The following IGF2 variants were observed in gnomAD, a reference collection of about 807,000 sequenced individuals.
The protein encoded by IGF2 is insulin-like growth factor 2.
Under a neutral mutation model 12.0 loss-of-function variants are expected in IGF2, and 2 were observed. That is an observed-to-expected ratio of 0.17 (90% CI 0.07 to 0.52). The LOEUF (loss-of-function observed/expected upper bound fraction) is 0.52, where lower values mean the gene tolerates loss of function less well. Ranked by LOEUF, IGF2 falls within the 20% of genes least tolerant of loss-of-function variation. The probability of loss-of-function intolerance (pLI) is 0.95; values close to 1 mark genes in which losing one functional copy is unlikely to be tolerated. For synonymous variants in IGF2, 105 were observed against 110.1 expected, an observed-to-expected ratio of 0.95 and a Z score of 0.29; for missense variants, 211 against 268.0, an observed-to-expected ratio of 0.79 and a Z score of 1.48.
In IGF2 at chr11:2,133,734, G is replaced by A. The variant is rs3213232; in HGVS notation, c.158-69C>T. 133,246 of 1,579,410 alleles carry A rather than the reference G, an allele frequency of 0.084. 7,237 individuals carry two copies. Among genetic ancestry groups the A allele is most frequent in the African/African-American group, 0.25 (18,756 of 73,796 alleles). On this transcript the variant is annotated intron_variant, in intron 2 of 3. Coordinates refer to ENST00000416167, the MANE Select transcript of IGF2 (RefSeq NM_000612.6). The surrounding 1 kb of genome is among the most constrained non-coding windows in gnomAD (Gnocchi z 8.9). The stretch of plus-strand genomic sequence containing the variant: ...TGACCCCAGCCCCCGGAGGCTGAAG[G>A]GGGAGCAAACCACCCCTGCCCTCAG...
At position 2,129,500 on chromosome 11, in the gene IGF2, G is replaced by C; in HGVS notation, c.*3487C>G. 4.4e-6 allele frequency: 1 copy of C among 228,392 alleles called. No homozygotes were observed. Among genetic ancestry groups the C allele is most frequent in the East Asian group, 6.2e-5 (1 of 16,010 alleles). The allele number at this position is 228,392 out of a possible 1,614,324, so 14.1% of individuals were successfully genotyped here. A position where few individuals can be genotyped will look rare whatever the true frequency, so the allele number is the denominator to read the frequency against. On this transcript the variant is annotated 3_prime_UTR_variant, in exon 4 of 4. Transcript: ENST00000416167. This position sits in a 1 kb window ranked among gnomAD's most constrained non-coding sequence, Gnocchi z 8.1. ...AAGTGCCCCCGGGAACACCCACTCC[G>C]GCGAGGCAGAATATAACACTGGGTG...
At chr11:2,147,744 G>A in the IGF2 span, 2 of 1,249,454 alleles carry the variant, frequency 1.6e-6, no homozygotes, top group Non-Finnish European at 2.0e-6. The surrounding 1 kb of genome is among the most constrained non-coding windows in gnomAD (Gnocchi z 7.2). Context: ...GCGATTCAGA[G>A]CCCTGGGGCT....
rs1858396861 is a variant in IGF2 at position 2,129,614 on chromosome 11, A to G, written c.*3373T>C. The G allele has an allele frequency of 8.7e-6, 2 of 230,444 alleles. No individual in the cohort carries two copies. Among genetic ancestry groups the G allele is most frequent in the South Asian group, 1.8e-4 (1 of 5,504 alleles). The allele number at this position is 230,444 out of a possible 1,614,324, so 14.3% of individuals were successfully genotyped here. On this transcript the variant is annotated 3_prime_UTR_variant, in exon 4 of 4. Transcript: ENST00000416167. This position sits in a 1 kb window ranked among gnomAD's most constrained non-coding sequence, Gnocchi z 8.1. ...CAATGTGGGTTCCACAATTGTGACAATTTGGCTCTTTGGGCTTCTGTCCAA... is the reference window on the plus strand; with the variant it reads ...CAATGTGGGTTCCACAATTGTGACAGTTTGGCTCTTTGGGCTTCTGTCCAA...
upstream of IGF2, among the ~76,000 whole-genome samples, chr11:2,145,691 C>G (rs1348944237): frequency 6.6e-6 from 1 of 152,144 alleles, no homozygotes; most frequent in East Asian, 1.9e-4. Flanking sequence ...GTGTAGTGGC[C>G]CTGTAGGGAG....
Position 2,138,701 on chromosome 11 carries a change from T to C in IGF2, c.-479A>G. On this transcript the variant is annotated 5_prime_UTR_variant, in exon 1 of 4. Transcript: ENST00000416167. ...TTCGGCGAAGGCGAGAGGGCGGGCGTGAGGGGGGGAGGGAGTCGGAGGCTA... is the reference window on the plus strand; with the variant it reads ...TTCGGCGAAGGCGAGAGGGCGGGCGCGAGGGGGGGAGGGAGTCGGAGGCTA... 1.8e-6 allele frequency: 1 copy of C among 559,460 alleles called. No homozygotes were observed. The highest frequency in any genetic ancestry group is 2.0e-6 in the Non-Finnish European group (1 of 494,440). 34.7% of individuals were successfully genotyped at this position (559,460 alleles called of 1,614,324 possible).
chr11:2,140,693 C>A (rs1274133091), upstream of IGF2: 4 of 454,340 alleles, frequency 8.8e-6, no homozygotes, highest in South Asian at 1.6e-5. Context: ...CAGGAGCGAG[C>A]GCAGCCGCCA....
At position 2,131,663 on chromosome 11, in the gene IGF2, G is replaced by A. The variant is rs7129583; in HGVS notation, c.*1324C>T. Reference sequence around the variant, plus strand: ...GTGTTCATGTGTGTGCTGTGTGTGCGTGTGCTGTGTGCATGTGTGTGCTGT... The same window carrying A: ...GTGTTCATGTGTGTGCTGTGTGTGCATGTGCTGTGTGCATGTGTGTGCTGT... On this transcript the variant is annotated 3_prime_UTR_variant, in exon 4 of 4. Coordinates refer to ENST00000416167, the MANE Select transcript of IGF2 (RefSeq NM_000612.6). The A allele has an allele frequency of 0.62, 136,231 of 218,538 alleles. 42,004 individuals carry two copies. Among genetic ancestry groups the A allele is most frequent in the Admixed American group, 0.7 (11,587 of 16,600 alleles). 13.5% of individuals were successfully genotyped at this position (218,538 alleles called of 1,614,324 possible). A position where few individuals can be genotyped will look rare whatever the true frequency, so the allele number is the denominator to read the frequency against.
At chr11:2,146,275 C>T in the IGF2 span, 10 of 534,798 alleles carry the variant, frequency 1.9e-5, no homozygotes, top group East Asian at 5.4e-5. Flanking sequence ...CTCCGCCGTC[C>T]GTGGGACCAA....
chr11:2,149,500 A>G, the IGF2 span: 1 of 699,668 alleles, frequency 1.4e-6, no homozygotes, highest in South Asian at 1.9e-5. Flanking sequence ...CGTTTCCCTG[A>G]GCCCCTCCGA....
rs1189411623 is a variant in IGF2 at position 2,131,224 on chromosome 11, G to T, written c.*1763C>A. 4.3e-6 allele frequency: 1 copy of T among 233,136 alleles called. No homozygotes were observed. The highest frequency in any genetic ancestry group is 5.6e-5 in the Admixed American group (1 of 17,800). The allele number at this position is 233,136 out of a possible 1,614,324, so 14.4% of individuals were successfully genotyped here. ...GGGTGTATCCCAAATGCCGCCGGCC[G>T]CACACTCAGGCCGCACCATCTGAGC... On this transcript the variant is annotated 3_prime_UTR_variant, in exon 4 of 4. Transcript: ENST00000416167.
At chr11:2,136,104 G>A (rs538515243) in intron 1 of IGF2, among the ~76,000 whole-genome samples, 2 of 152,250 alleles carry the variant, frequency 1.3e-5, no homozygotes, top group Non-Finnish European at 2.9e-5. Flanking sequence ...GGCCAGCCCC[G>A]CCCCTCCCCC....
Position 2,138,428 on chromosome 11 carries a change from C to T in IGF2, c.-206G>A. The T allele has an allele frequency of 5.1e-6, 4 of 779,746 alleles. No individual in the cohort carries two copies. Among genetic ancestry groups the T allele is most frequent in the Non-Finnish European group, 6.0e-6 (4 of 661,720 alleles). 48.3% of individuals were successfully genotyped at this position (779,746 alleles called of 1,614,324 possible). On this transcript the variant is annotated 5_prime_UTR_variant, in exon 1 of 4. Transcript: ENST00000416167. ...AATTCGTCTGATTGTCCAGGGAGGA[C>T]GGGCTGTCTTCGGGCTGGGGCGGGC...
chr11:2,146,118 T>TC (rs17882671), upstream of IGF2: 142 of 445,590 alleles, frequency 3.2e-4, no homozygotes, highest in African/African-American at 2.5e-3. Context: ...AGGATGAACA[T>TC]CCCCTCAAGG....
rs2133584356 is a variant in IGF2, at chr11:2,133,471, T to C, written c.306+46A>G. The C allele has an allele frequency of 6.4e-7, 1 of 1,560,098 alleles. No homozygotes were observed. The highest frequency in any genetic ancestry group is 2.3e-5 in the East Asian group (1 of 43,846). On this transcript the variant is annotated intron_variant, in intron 3 of 3. Transcript: ENST00000416167. This position sits in a 1 kb window ranked among gnomAD's most constrained non-coding sequence, Gnocchi z 8.9. ...AGGAAACGCTGGGCGCCCGAAGCCCTATTTCTCTGTCTCTAGAGAGTGGGA... is the reference window on the plus strand; with the variant it reads ...AGGAAACGCTGGGCGCCCGAAGCCCCATTTCTCTGTCTCTAGAGAGTGGGA...
chr11:2,134,197 C>T (rs768219457), intron 2 of IGF2: 15 of 476,348 alleles, frequency 3.1e-5, no homozygotes, highest in Non-Finnish European at 5.1e-5. Flanking sequence ...TCTTTCCTCC[C>T]GTCTTCCCCC....
the IGF2 span, chr11:2,149,024 A>C: frequency 8.9e-7 from 1 of 1,127,924 alleles, no homozygotes; most frequent in Non-Finnish European, 1.3e-6. Context: ...CCTCCTTCAG[A>C]AACCAGGATC....
chr11:2,148,045 T>G, the IGF2 span: 3 of 384,908 alleles, frequency 7.8e-6, no homozygotes, highest in Non-Finnish European at 1.4e-5. The surrounding 1 kb of genome is among the most constrained non-coding windows in gnomAD (Gnocchi z 4.3). Flanking sequence ...GGCTTCCCGG[T>G]GCTGATGGAG....
chr11:2,131,585 C>CGCGT lies in IGF2; in HGVS notation c.*1401_*1402insACGC, dbSNP rs1590110336. 2 of 185,102 alleles carry CGCGT rather than the reference C, an allele frequency of 1.1e-5. No homozygotes were observed. Among genetic ancestry groups the CGCGT allele is most frequent in the East Asian group, 1.5e-4 (2 of 13,110 alleles). The allele number at this position is 185,102 out of a possible 1,614,324, so 11.5% of individuals were successfully genotyped here. ...TGTGTGTTTGTGTGTGTGCTGTGTTCATGTGTGCTGTGCATGCGTGTGTGC... is the reference window on the plus strand; with the variant it reads ...TGTGTGTTTGTGTGTGTGCTGTGTTCGCGTATGTGTGCTGTGCATGCGTGTGTGC... On this transcript the variant is annotated 3_prime_UTR_variant, in exon 4 of 4. Coordinates refer to ENST00000416167, the MANE Select transcript of IGF2 (RefSeq NM_000612.6).
upstream of IGF2, among the ~76,000 whole-genome samples, chr11:2,145,902 T>A (rs1859896285): frequency 6.6e-6 from 1 of 151,784 alleles, no homozygotes; most frequent in African/African-American, 2.4e-5. Flanking sequence ...CAAGACTGGC[T>A]CCTCCCCCAC....
Sources: gnomAD v4.1 joint callset for allele counts (sites outside exome capture counted in the v4.1 genomes callset) on GRCh38, gnomAD v4.1.1 for gene constraint, Gnocchi (gnomAD v3.1) non-coding constraint, MANE v1.5 for transcripts, NCBI Gene and HGNC (gene_info 2026-07-23, HGNC 2026-07-21) for gene names.